Variants in DLEC1 observed in about 807,000 individuals in gnomAD.
DLEC1 encodes the protein DLEC1 cilia and flagella associated protein, also known as deleted in lung and esophageal cancer protein 1.
In DLEC1, 146 loss-of-function variants were observed where a neutral mutation model predicts 198.1. That is an observed-to-expected ratio of 0.74 (90% CI 0.64 to 0.85). DLEC1 has a LOEUF of 0.85. Ranked by LOEUF, DLEC1 falls within the 40% of genes least tolerant of loss-of-function variation. The pLI is 0.00. For synonymous variants in DLEC1, 897 were observed against 866.8 expected (o/e 1.03, Z -0.61); for missense variants, 2,233 against 2,220.0 (o/e 1.01, Z -0.12).
intron 6 of DLEC1, among the ~76,000 whole-genome samples, chr3:38,081,583 A>ACCTC (rs1697999153): frequency 1.0e-5 from 1 of 96,660 alleles, no homozygotes; most frequent in African/African-American, 4.9e-5. Flanking sequence ...TGAGCCCCTC[A>ACCTC]CCTCCCGGAC....
chr3:38,120,282 T>C (rs905143540), intron 33 of DLEC1, among the ~76,000 whole-genome samples, 166 bp from the exon 34 acceptor site: 6 of 151,844 alleles, frequency 4.0e-5, no homozygotes, highest in African/African-American at 1.2e-4. Flanking sequence ...CTGGGCAGAG[T>C]AGGTGCTGGG....
At position 38,116,656 on chromosome 3, in the gene DLEC1, T is replaced by C. The variant is rs1184763038; in HGVS notation, c.4060T>C (p.Ser1354Pro). 6.2e-7 allele frequency: 1 copy of C among 1,613,874 alleles called. No homozygotes were observed. Among genetic ancestry groups the C allele is most frequent in the African/African-American group, 1.3e-5 (1 of 74,904 alleles). Residue 1354 changes from serine (S) to proline (P), a missense_variant and splice_region_variant, in exon 28 of 37, where the codon TCA becomes CCA. Transcript: ENST00000308059. ...SSEFSHETDSSVEGSSSASNR... is the reference protein window; with the variant it reads ...SSEFSHETDSPVEGSSSASNR... Reference sequence around the variant, plus strand: ...GGAATTCAGCCATGAAACTGACTCATCAGTGAGCAGGGGTGGAGGGGCGGG... The same window carrying C: ...GGAATTCAGCCATGAAACTGACTCACCAGTGAGCAGGGGTGGAGGGGCGGG...
intron 27 of DLEC1, among the ~76,000 whole-genome samples, chr3:38,115,365 C>G (rs1180107983): frequency 6.6e-6 from 1 of 152,192 alleles, no homozygotes; most frequent in Admixed American, 6.5e-5. Context: ...GGCTTCCCTC[C>G]TGATGGGTGG....
At chr3:38,071,952 G>T (rs901905727) in intron 6 of DLEC1, among the ~76,000 whole-genome samples, 1 of 152,226 alleles carries the variant, frequency 6.6e-6, no homozygotes, top group African/African-American at 2.4e-5. Context: ...GGGCAGAGTG[G>T]TAGCCTCAAT....
At position 38,092,827 on chromosome 3, in the gene DLEC1, A is replaced by T; in HGVS notation, c.1703A>T (p.Gln568Leu). ...FSPKSLGKAE[Q>L]TFIIMCDNCQ... ...CCAAAGAGCCTAGGAAAGGCAGAGC[A>T]GACCTTCATCATCATGTGCGACAAC... Residue 568 changes from glutamine (Q) to leucine (L), a missense_variant, in exon 11 of 37, where the codon CAG becomes CTG. Coordinates refer to ENST00000308059, the MANE Select transcript of DLEC1 (RefSeq NM_007335.4). 6.2e-7 allele frequency: 1 copy of T among 1,614,204 alleles called. No individual in the cohort carries two copies. Among genetic ancestry groups the T allele is most frequent in the Non-Finnish European group, 8.5e-7 (1 of 1,180,024 alleles).
intron 6 of DLEC1, among the ~76,000 whole-genome samples, chr3:38,064,839 C>T (rs1696923075): frequency 6.7e-6 from 1 of 150,034 alleles, no homozygotes; most frequent in East Asian, 2.0e-4. Flanking sequence ...GGAAGAGGCG[C>T]TCCTCACTTC....
At position 38,122,401 on chromosome 3, in the gene DLEC1, C is replaced by G; in HGVS notation, c.5257C>G (p.His1753Asp). 1 of 1,614,190 alleles carries G rather than the reference C, an allele frequency of 6.2e-7. No individual in the cohort carries two copies. The highest frequency in any genetic ancestry group is 8.5e-7 in the Non-Finnish European group (1 of 1,180,028). Residue 1753 changes from histidine to aspartate, a missense_variant, in exon 37 of 37, where the codon CAC (histidine) becomes GAC (aspartate). Coordinates refer to ENST00000308059, the MANE Select transcript of DLEC1 (RefSeq NM_007335.4). ...CTATGATGAGAGATACATGTTGCCT[C>G]ACCAGCCCTGAGGCTCCGCCCCAGC... Reference protein sequence around the residue: ...GSYDERYMLPHQP With the variant: ...GSYDERYMLPDQP
intron 18 of DLEC1, 71 bp from the exon 19 acceptor site, chr3:38,100,215 G>T (rs572612801): frequency 1.3e-6 from 2 of 1,506,412 alleles, no homozygotes. Context: ...GGTTAGGCAT[G>T]GCCAGCCCCC....
At chr3:38,059,257 C>G (rs1048322279) in intron 2 of DLEC1, among the ~76,000 whole-genome samples, 2 of 152,206 alleles carry the variant, frequency 1.3e-5, no homozygotes, top group Non-Finnish European at 2.9e-5. Context: ...GACAGGGAAG[C>G]TCTTGTCACA....
chr3:38,107,435 A>C (rs1275277744), intron 19 of DLEC1, 149 bp from the exon 20 acceptor site: 1 of 721,228 alleles, frequency 1.4e-6, no homozygotes, highest in Non-Finnish European at 2.1e-6. Flanking sequence ...TATATCCTGA[A>C]ACTTTGCCGA....
At chr3:38,114,598 GC>G in intron 26 of DLEC1, 138 bp downstream of exon 26, 1 of 849,582 alleles carries the variant, frequency 1.2e-6, no homozygotes, top group Non-Finnish European at 1.9e-6. Flanking sequence ...AAGGTTCCAG[GC>G]CAGGGTTTCC....
At position 38,112,079 on chromosome 3, in the gene DLEC1, C is replaced by A; in HGVS notation, c.3515-131C>A. ...GGATTCCAGGCTCCCAGGAGGAGGG[C>A]ACATGTAGCCTGACCAAGGAGAGGC... On this transcript the variant is annotated intron_variant, in intron 24 of 36. Coordinates refer to ENST00000308059, the MANE Select transcript of DLEC1 (RefSeq NM_007335.4). The surrounding 1 kb of genome is among the most constrained non-coding windows in gnomAD (Gnocchi z 4.8). The A allele has an allele frequency of 7.2e-7, 1 of 1,396,980 alleles. No individual in the cohort carries two copies. The highest frequency in any genetic ancestry group is 9.9e-7 in the Non-Finnish European group (1 of 1,012,174). 86.5% of individuals were successfully genotyped at this position (1,396,980 alleles called of 1,614,324 possible). A position where few individuals can be genotyped will look rare whatever the true frequency, so the allele number is the denominator to read the frequency against.
At chr3:38,098,830 C>T (rs1361819276) in intron 18 of DLEC1, among the ~76,000 whole-genome samples, 1 of 152,152 alleles carries the variant, frequency 6.6e-6, no homozygotes, top group Non-Finnish European at 1.5e-5. Flanking sequence ...TATAGCTGGG[C>T]ACTCTGAAAC....
chr3:38,084,536 G>GGTGGTGGTAGTA (rs1698309500), intron 7 of DLEC1, among the ~76,000 whole-genome samples: 1 of 64,760 alleles, frequency 1.5e-5, no homozygotes, highest in African/African-American at 6.2e-5. Context: ...TAGTAGTGGT[G>GGTGGTGGTAGTA]GTGGTAGTAG....
In DLEC1 at chr3:38,114,358, C is replaced by A; in HGVS notation, c.3683C>A (p.Pro1228Gln). 6.2e-7 allele frequency: 1 copy of A among 1,614,134 alleles called. No individual in the cohort carries two copies. The highest frequency in any genetic ancestry group is 8.5e-7 in the Non-Finnish European group (1 of 1,180,012). Residue 1228 changes from proline (P) to glutamine (Q), a missense_variant, in exon 26 of 37, where the codon CCG (proline) becomes CAG (glutamine). Coordinates refer to ENST00000308059, the MANE Select transcript of DLEC1 (RefSeq NM_007335.4). Reference protein sequence around the residue: ...NLICTVGDLLPEVIPVHMAAV... With the variant: ...NLICTVGDLLQEVIPVHMAAV... ...TGTTTGCAGGTGGGAGACCTGCTGC[C>A]GGAAGTCATCCCAGTGCACATGGCA... is the stretch of plus-strand genomic sequence containing the variant.
At chr3:38,081,546 G>C (rs1338216914) in intron 6 of DLEC1, among the ~76,000 whole-genome samples, 1 of 102,488 alleles carries the variant, frequency 9.8e-6, no homozygotes, top group African/African-American at 4.4e-5. Flanking sequence ...TCACCTCCCG[G>C]ATGGGGCGGC....
intron 6 of DLEC1, among the ~76,000 whole-genome samples, chr3:38,073,490 G>A (rs895953692): frequency 1.3e-5 from 2 of 152,152 alleles, no homozygotes; most frequent in African/African-American, 4.8e-5. Context: ...GGAAGGAGTA[G>A]AGATGTCTTA....
In DLEC1 at chr3:38,063,084, G is replaced by A. The variant is rs567872039; in HGVS notation, c.1094+283G>A. On this transcript the variant is annotated intron_variant, in intron 5 of 36. Coordinates refer to ENST00000308059, the MANE Select transcript of DLEC1 (RefSeq NM_007335.4). ...ATCTGGGTCAAATGGAAGCAATCCCGTTAGAGACATAGGTCTTGAGTAATA... is the reference window on the plus strand; with the variant it reads ...ATCTGGGTCAAATGGAAGCAATCCCATTAGAGACATAGGTCTTGAGTAATA... Among the ~76,000 whole-genome samples the A allele has an allele frequency of 3.6e-4, 55 of 152,294 alleles. 1 individual carries two copies. The East Asian group carries it at 3.7e-3, about 10-fold the overall frequency.
intron 2 of DLEC1, among the ~76,000 whole-genome samples, chr3:38,057,167 T>C (rs1006382364): frequency 6.6e-6 from 1 of 152,228 alleles, no homozygotes. Flanking sequence ...TATCATATGC[T>C]AAAAAGCAGT....
Sources: gnomAD v4.1 joint callset for allele counts (sites outside exome capture counted in the v4.1 genomes callset) on GRCh38, gnomAD v4.1.1 for gene constraint, Gnocchi (gnomAD v3.1) non-coding constraint, MANE v1.5 for transcripts, NCBI Gene and HGNC (gene_info 2026-07-23, HGNC 2026-07-21) for gene names.